RBFOX1: variants seen among roughly 807,000 people sequenced by gnomAD.
RBFOX1 encodes the protein RNA binding fox-1 homolog 1, also known as RNA binding protein fox-1 homolog 1.
A neutral mutation model predicts 57.7 loss-of-function variants in RBFOX1; 8 were observed. The ratio of observed to expected loss-of-function variants is 0.14; its 90% confidence interval spans 0.08 to 0.25. The LOEUF (loss-of-function observed/expected upper bound fraction) is 0.25, where lower values mean the gene tolerates loss of function less well. Ranked by LOEUF, RBFOX1 falls within the 10% of genes least tolerant of loss-of-function variation. The pLI is 1.00. For missense variants in RBFOX1, 611 were observed against 548.5 expected, an observed-to-expected ratio of 1.11 and a Z score of -1.14; for synonymous variants, 326 against 222.4, an observed-to-expected ratio of 1.47 and a Z score of -4.15.
chr16:7,680,715 G>A (rs144327017), intron 14 of RBFOX1, among the ~76,000 whole-genome samples: 1 of 152,086 alleles, frequency 6.6e-6, no homozygotes. Context: ...TACCTTTTTG[G>A]ATTCTGAGGC....
chr16:6,648,603 G>T (rs1343384271), intron 2 of RBFOX1, among the ~76,000 whole-genome samples: 1 of 152,114 alleles, frequency 6.6e-6, no homozygotes, highest in East Asian at 1.9e-4. Flanking sequence ...ATCCCCTGGA[G>T]GGCTTGGTAG....
intron 3 of RBFOX1, among the ~76,000 whole-genome samples, chr16:6,802,072 C>T (rs1476570590): frequency 6.6e-6 from 1 of 151,926 alleles, no homozygotes; most frequent in Non-Finnish European, 1.5e-5. Context: ...CTTCAGATCC[C>T]AGTAAAACTT....
intron 2 of RBFOX1, among the ~76,000 whole-genome samples, chr16:6,438,877 T>C (rs1267348507): frequency 6.6e-6 from 1 of 152,166 alleles, no homozygotes; most frequent in Non-Finnish European, 1.5e-5. Context: ...TGGTACTTTG[T>C]TAGTTATCTG....
chr16:6,127,974 C>G (rs1014017559), intron 1 of RBFOX1, among the ~76,000 whole-genome samples: 3 of 152,102 alleles, frequency 2.0e-5, no homozygotes, highest in Non-Finnish European at 2.9e-5. Context: ...GAAAACCTCT[C>G]CAGTCTAGTG....
chr16:6,477,281 G>A (rs182929653), intron 2 of RBFOX1, among the ~76,000 whole-genome samples: 164 of 152,294 alleles, frequency 1.1e-3, no homozygotes, highest in Middle Eastern at 3.4e-3. Flanking sequence ...AGAAGAATCC[G>A]TGTTTATGGC....
chr16:5,334,255 A>G (rs1028237037), intron 1 of RBFOX1, among the ~76,000 whole-genome samples: 1 of 152,150 alleles, frequency 6.6e-6, no homozygotes, highest in Non-Finnish European at 1.5e-5. Context: ...GTCTCTGCTC[A>G]GGGAGGGGTT....
intron 1 of RBFOX1, among the ~76,000 whole-genome samples, chr16:6,163,647 C>T (rs2096895415): frequency 6.6e-6 from 1 of 152,162 alleles, no homozygotes; most frequent in African/African-American, 2.4e-5. Flanking sequence ...AGAGACTTTA[C>T]TGGTTATTGT....
chr16:7,487,859 A>C (rs1474190917), intron 4 of RBFOX1, among the ~76,000 whole-genome samples: 1 of 152,206 alleles, frequency 6.6e-6, no homozygotes, highest in Admixed American at 6.5e-5. Flanking sequence ...AGCTTAATGA[A>C]GGCCTTTTAA....
chr16:5,520,736 C>T (rs1470822364), intron 2 of RBFOX1, among the ~76,000 whole-genome samples: 2 of 152,210 alleles, frequency 1.3e-5, no homozygotes, highest in Admixed American at 1.3e-4. Flanking sequence ...TACTTCCCCT[C>T]TTTATTGTCA....
chr16:6,115,617 A>G (rs1280320676), intron 1 of RBFOX1, among the ~76,000 whole-genome samples: 1 of 152,166 alleles, frequency 6.6e-6, no homozygotes, highest in Non-Finnish European at 1.5e-5. Context: ...AGTATAGCAT[A>G]TCTTTACTCT....
At chr16:5,807,851 C>G (rs1464786092) in intron 3 of RBFOX1, among the ~76,000 whole-genome samples, 3 of 152,212 alleles carry the variant, frequency 2.0e-5, no homozygotes, top group Non-Finnish European at 4.4e-5. Context: ...CGCTGCTGGT[C>G]TGGACCACAC....
chr16:6,321,024 C>T (rs2081721922), intron 2 of RBFOX1, among the ~76,000 whole-genome samples: 2 of 152,152 alleles, frequency 1.3e-5, no homozygotes, highest in African/African-American at 2.4e-5. Context: ...GAACTCCTGA[C>T]CTCAGGTGAT....
intron 4 of RBFOX1, among the ~76,000 whole-genome samples, chr16:5,918,151 G>C (rs955060995): frequency 3.3e-5 from 5 of 152,144 alleles, no homozygotes; most frequent in Admixed American, 2.6e-4. Flanking sequence ...ACAGAGTCTT[G>C]TTTTATTGCC....
At chr16:5,932,745 C>T (rs1046998087) in intron 4 of RBFOX1, among the ~76,000 whole-genome samples, 3 of 152,140 alleles carry the variant, frequency 2.0e-5, no homozygotes, top group South Asian at 2.1e-4. Context: ...CCATCTCTCC[C>T]AATTCTCTAT....
At chr16:6,938,706 C>G (rs745541416) in intron 3 of RBFOX1, among the ~76,000 whole-genome samples, 1 of 152,002 alleles carries the variant, frequency 6.6e-6, no homozygotes, top group African/African-American at 2.4e-5. Context: ...AGGCTGGTCT[C>G]GAATCACTTG....
intron 2 of RBFOX1, among the ~76,000 whole-genome samples, chr16:6,647,677 A>C (rs966004615): frequency 6.6e-6 from 1 of 152,228 alleles, no homozygotes; most frequent in Non-Finnish European, 1.5e-5. Flanking sequence ...CATTCAGTCC[A>C]TCATACTACG....
chr16:7,453,334 G>A (rs1369888192), intron 4 of RBFOX1, among the ~76,000 whole-genome samples: 2 of 152,016 alleles, frequency 1.3e-5, no homozygotes, highest in Non-Finnish European at 2.9e-5. Context: ...ATGAGGAATG[G>A]AAGAGATCAT....
chr16:5,423,499 G>A (rs945040237), intron 1 of RBFOX1, among the ~76,000 whole-genome samples: 2 of 152,198 alleles, frequency 1.3e-5, no homozygotes, highest in Admixed American at 6.5e-5. Context: ...TTGAGCTTCC[G>A]CCACCACCTG....
chr16:7,403,920 T>A (rs2098288234), intron 4 of RBFOX1, among the ~76,000 whole-genome samples: 1 of 150,548 alleles, frequency 6.6e-6, no homozygotes, highest in South Asian at 2.1e-4. Flanking sequence ...CTTTTATATA[T>A]ATATATAACC....
Sources: allele counts gnomAD v4.1 joint callset (sites outside exome capture counted in the v4.1 genomes callset), GRCh38; gene constraint gnomAD v4.1.1; transcripts MANE v1.5; gene names NCBI Gene and HGNC (gene_info 2026-07-23, HGNC 2026-07-21).